Variants in ATP12A observed in about 807,000 individuals in gnomAD.
ATP12A encodes potassium-transporting ATPase alpha chain 2.
Under a neutral mutation model 111.2 loss-of-function variants are expected in ATP12A, and 81 were observed. That is an observed-to-expected ratio of 0.73 (90% CI 0.61 to 0.88). The LOEUF (loss-of-function observed/expected upper bound fraction) is 0.88, where lower values mean the gene tolerates loss of function less well. ATP12A is among the 40% of genes least tolerant of loss of function. ATP12A has a pLI of 0.00. For missense variants in ATP12A, 1,196 were observed against 1,313.1 expected (o/e 0.91, Z 1.38); for synonymous variants, 498 against 499.8 (o/e 1.00, Z 0.05).
At chr13:24,709,034 G>A (rs1875836536) in intron 17 of ATP12A, among the ~76,000 whole-genome samples, 1 of 152,048 alleles carries the variant, frequency 6.6e-6, no homozygotes. Context: ...GAAGTCTGGA[G>A]GTGGGGCGCA....
intron 2 of ATP12A, among the ~76,000 whole-genome samples, chr13:24,684,001 G>A (rs1467957415): frequency 6.6e-6 from 1 of 152,104 alleles, no homozygotes; most frequent in East Asian, 1.9e-4. Context: ...GGTGGGTGGG[G>A]TGCTGCCCTG....
At position 24,690,413 on chromosome 13, in the gene ATP12A, G is replaced by A; in HGVS notation, c.622G>A (p.Val208Ile). Residue 208 changes from valine (V) to isoleucine (I), a missense_variant, in exon 6 of 23, where the codon GTC becomes ATC. Coordinates refer to ENST00000381946, the MANE Select transcript of ATP12A (RefSeq NM_001676.7). Reference protein sequence around the residue: ...EQLVVGDIVEVKGGDQIPADI... With the variant: ...EQLVVGDIVEIKGGDQIPADI... The stretch of plus-strand genomic sequence containing the variant: ...GCTGGTGGTGGGGGACATTGTGGAG[G>A]TCAAAGGAGGAGACCAGATCCCTGC... 6.2e-7 allele frequency: 1 copy of A among 1,613,598 alleles called. No individual in the cohort carries two copies. The highest frequency in any genetic ancestry group is 8.5e-7 in the Non-Finnish European group (1 of 1,179,938).
intron 15 of ATP12A, 89 bp from the exon 16 acceptor site, chr13:24,706,934 A>C (rs1875678895): frequency 1.4e-6 from 2 of 1,418,628 alleles, no homozygotes; most frequent in Non-Finnish European, 1.9e-6. Flanking sequence ...TCGCAACCTC[A>C]AGAGAAAGGG....
At chr13:24,692,706 G>A in intron 9 of ATP12A, 79 bp downstream of exon 9, 4 of 1,597,598 alleles carry the variant, frequency 2.5e-6, no homozygotes, top group South Asian at 2.2e-5. Flanking sequence ...AGCAGGGTCT[G>A]CAGCCAGAGG....
At chr13:24,683,987 G>T (rs141908632) in intron 2 of ATP12A, among the ~76,000 whole-genome samples, 1,653 of 152,246 alleles carry the variant, frequency 0.011, 19 homozygotes, top group Non-Finnish European at 0.018. Flanking sequence ...GCAGTGACCC[G>T]AGGGGTGGGT....
chr13:24,702,004 G>T lies in ATP12A; in HGVS notation c.1951G>T (p.Ala651Ser), dbSNP rs754254203. Reference sequence around the variant, plus strand: ...TGCCAAGAGTGTGGGGATCATTTCAGCCAACAGTGAAACAGTGGAAGACAT... The same window carrying T: ...TGCCAAGAGTGTGGGGATCATTTCATCCAACAGTGAAACAGTGGAAGACAT... ...AIAKSVGIISANSETVEDIAH... is the reference protein window; with the variant it reads ...AIAKSVGIISSNSETVEDIAH... Residue 651 changes from alanine to serine, a missense_variant, in exon 14 of 23, where the codon GCC (alanine) becomes TCC (serine). This residue lies in a region of ATP12A where 1,126 missense variants were observed against 1,228.5 expected (regional missense o/e 0.92). Transcript: ENST00000381946. 13 of 1,614,202 alleles carry T rather than the reference G, an allele frequency of 8.1e-6. No individual in the cohort carries two copies. The highest frequency in any genetic ancestry group is 1.1e-5 in the Non-Finnish European group (13 of 1,180,038).
At chr13:24,707,579 G>A in intron 17 of ATP12A, 146 bp downstream of exon 17, 1 of 1,114,692 alleles carries the variant, frequency 9.0e-7, no homozygotes, top group Non-Finnish European at 1.3e-6. Flanking sequence ...ATTTCTCACA[G>A]GTTCTCAGGT....
In ATP12A at chr13:24,691,261, G is replaced by A. The variant is rs1395274104; in HGVS notation, c.1068+11G>A. 3 of 1,604,506 alleles carry A rather than the reference G, an allele frequency of 1.9e-6. No homozygotes were observed. Among genetic ancestry groups the A allele is most frequent in the Non-Finnish European group, 2.6e-6 (3 of 1,175,558 alleles). Reference sequence around the variant, plus strand: ...CTGGCCACTGTCACTGTGAGTCCATGCTGTTAGACAGCCTGCACCTGGCCC... The same window carrying A: ...CTGGCCACTGTCACTGTGAGTCCATACTGTTAGACAGCCTGCACCTGGCCC... On this transcript the variant is annotated intron_variant, in intron 8 of 22. Transcript: ENST00000381946.
rs1874634509 is a variant in ATP12A, at chr13:24,685,467, G to A, written c.228+94G>A. 4 of 1,334,134 alleles carry A rather than the reference G, an allele frequency of 3.0e-6. No individual in the cohort carries two copies. The highest frequency in any genetic ancestry group is 4.3e-6 in the Non-Finnish European group (4 of 928,824). The allele number at this position is 1,334,134 out of a possible 1,614,324, so 82.6% of individuals were successfully genotyped here. On this transcript the variant is annotated intron_variant, in intron 3 of 22. Coordinates refer to ENST00000381946, the MANE Select transcript of ATP12A (RefSeq NM_001676.7). The surrounding 1 kb of genome is among the most constrained non-coding windows in gnomAD (Gnocchi z 5.5). ...CGGGGGGCTGTGTGGAAGAGTAGCGGCACCTTTAGGAGGAGGGGCCCCTGC... is the reference window on the plus strand; with the variant it reads ...CGGGGGGCTGTGTGGAAGAGTAGCGACACCTTTAGGAGGAGGGGCCCCTGC...
chr13:24,686,594 T>C (rs1314292747), intron 3 of ATP12A, among the ~76,000 whole-genome samples: 11 of 150,758 alleles, frequency 7.3e-5, no homozygotes, highest in East Asian at 2.0e-4. Context: ...CAAAAATTAG[T>C]CGGGCACGGT....
Position 24,680,578 on chromosome 13 carries a change from G to C in ATP12A, c.-166G>C. 4 of 683,590 alleles carry C rather than the reference G, an allele frequency of 5.9e-6. No homozygotes were observed. Among genetic ancestry groups the C allele is most frequent in the African/African-American group, 1.9e-5 (1 of 52,470 alleles). 42.3% of individuals were successfully genotyped at this position (683,590 alleles called of 1,614,324 possible). ...CTCCCCGGTGCAGCGGCTGGCGATC[G>C]GCCGCGGAGGTGCGTGCAGGGCCCG... On this transcript the variant is annotated 5_prime_UTR_variant, in exon 1 of 23. Transcript: ENST00000381946.
At chr13:24,682,143 T>C (rs1874489267) in intron 2 of ATP12A, among the ~76,000 whole-genome samples, 1 of 121,552 alleles carries the variant, frequency 8.2e-6, no homozygotes, top group Non-Finnish European at 1.7e-5. Flanking sequence ...TGTGTATATG[T>C]GTGTGGTGTG....
intron 11 of ATP12A, among the ~76,000 whole-genome samples, chr13:24,696,533 C>T (rs1257064997): frequency 5.0e-5 from 5 of 99,398 alleles, no homozygotes; most frequent in Non-Finnish European, 1.1e-4. Context: ...GGTGAAACCC[C>T]GTCTCTACTA....
At chr13:24,708,967 A>AAAAGAAAGAAAGAAAGAAAGAG (rs1875831844) in intron 17 of ATP12A, among the ~76,000 whole-genome samples, 2 of 149,874 alleles carry the variant, frequency 1.3e-5, no homozygotes, top group African/African-American at 4.9e-5. Flanking sequence ...GAAAGAAGGA[A>AAAAGAAAGAAAGAAAGAAAGAG]AGAGAAAGAG....
intron 10 of ATP12A, among the ~76,000 whole-genome samples, chr13:24,693,674 A>G (rs956157628): frequency 1.3e-5 from 2 of 152,196 alleles, no homozygotes; most frequent in African/African-American, 4.8e-5. Flanking sequence ...CTGGCTGCAC[A>G]TCAGTGCCTT....
intron 2 of ATP12A, among the ~76,000 whole-genome samples, chr13:24,683,017 C>T (rs569200025): frequency 5.4e-5 from 8 of 147,412 alleles, no homozygotes; most frequent in African/African-American, 1.3e-4. Flanking sequence ...AGTGCAATGG[C>T]GCTATCTAGG....
intron 13 of ATP12A, among the ~76,000 whole-genome samples, chr13:24,701,316 T>C (rs1328440000): frequency 2.0e-5 from 3 of 151,952 alleles, no homozygotes; most frequent in African/African-American, 7.3e-5. Flanking sequence ...ATGGCCAACA[T>C]GGTGAAACCC....
chr13:24,702,252 G>T (rs1237525289), intron 14 of ATP12A, among the ~76,000 whole-genome samples, 181 bp downstream of exon 14: 1 of 152,214 alleles, frequency 6.6e-6, no homozygotes, highest in Non-Finnish European at 1.5e-5. Flanking sequence ...GCTAATATGT[G>T]CCAGGCACAG....
At chr13:24,682,181 GTGTA>G (rs1446852868) in intron 2 of ATP12A, among the ~76,000 whole-genome samples, 6 of 127,818 alleles carry the variant, frequency 4.7e-5, no homozygotes, top group Admixed American at 4.5e-4. Flanking sequence ...TGTGTGGTGT[GTGTA>G]TGTGTGTGGT....
Sources: allele counts gnomAD v4.1 joint callset (sites outside exome capture counted in the v4.1 genomes callset), GRCh38; gene constraint gnomAD v4.1.1; regional missense constraint gnomAD v4.1.1; non-coding constraint Gnocchi (gnomAD v3.1); transcripts MANE v1.5; gene names NCBI Gene and HGNC (gene_info 2026-07-23, HGNC 2026-07-21).